The following DGKA variants were observed in gnomAD, a reference collection of about 807,000 sequenced individuals.
DGKA encodes the protein 80 kDa diacylglycerol kinase.
Under a neutral mutation model 105.0 loss-of-function variants are expected in DGKA, and 35 were observed. That is an observed-to-expected ratio of 0.33 (90% CI 0.25 to 0.44). The LOEUF (loss-of-function observed/expected upper bound fraction) is 0.44. DGKA is among the 20% of genes least tolerant of loss of function. The pLI, the probability that DGKA is intolerant of heterozygous loss-of-function variation, is 1.00. For synonymous variants in DGKA, 296 were observed against 332.0 expected (o/e 0.89, Z 1.18); for missense variants, 665 against 915.0 (o/e 0.73, Z 3.53).
intron 18 of DGKA, 21 bp downstream of exon 18, chr12:55,951,804 G>A (rs755645406): frequency 6.2e-7 from 1 of 1,609,004 alleles, no homozygotes; most frequent in Non-Finnish European, 8.5e-7. Flanking sequence ...TGGGGCCTGG[G>A]GAGAAGGGAG....
At chr12:55,939,593 GC>G (rs1233483539) in intron 9 of DGKA, 64 bp downstream of exon 9, 1 of 1,528,426 alleles carries the variant, frequency 6.5e-7, no homozygotes, top group African/African-American at 1.4e-5. Flanking sequence ...GGAGCTTGAT[GC>G]TGTAAACTTA....
upstream of DGKA, chr12:55,930,688 TTGGGGGTG>T (rs1267473530): frequency 6.6e-6 from 1 of 152,110 alleles, no homozygotes; most frequent in Non-Finnish European, 1.5e-5. Flanking sequence ...CTTTTTATGA[TTGGGGGTG>T]AGAGGGTGAG....
At chr12:55,938,719 C>A in intron 6 of DGKA, 159 bp downstream of exon 6, 1 of 1,554,676 alleles carries the variant, frequency 6.4e-7, no homozygotes. Context: ...AGCTCTTGAC[C>A]CCTCAAAGAG....
At chr12:55,931,838 T>G (rs1450557160) in intron 1 of DGKA, 2 of 152,224 alleles carry the variant, frequency 1.3e-5, no homozygotes, top group Non-Finnish European at 2.9e-5. Context: ...GCGCAGCAAA[T>G]GGAGAAAATG....
chr12:55,942,602 G>C (rs1365723728), intron 17 of DGKA: 1 of 304,436 alleles, frequency 3.3e-6, no homozygotes, highest in Non-Finnish European at 6.4e-6. Context: ...GCCAGATGCT[G>C]AATGATGGAG....
rs202127741 is a variant in DGKA, at chr12:55,952,781, C to T, written c.1791C>T (p.Ile597=). ...LDLSNLSLEG[I]AVLNIPSMHG... is the part of the protein sequence containing the mutation. ...TGAGCAACCTGTCCCTAGAAGGCAT[C>T]GCAGTGCTAAACATCCCTAGCATGC... The change falls in exon 21 of 24, where the codon ATC becomes ATT. Residue 597 remains isoleucine (I), a synonymous_variant. Transcript: ENST00000331886. This position sits in a 1 kb window ranked among gnomAD's most constrained non-coding sequence, Gnocchi z 5.1. 2.8e-5 allele frequency: 45 copies of T among 1,614,128 alleles called. No homozygotes were observed. The highest frequency in any genetic ancestry group is 1.3e-4 in the East Asian group (6 of 44,892).
In DGKA at chr12:55,953,501, G is replaced by T. The variant is rs1012061633; in HGVS notation, c.2124+91G>T. Reference sequence around the variant, plus strand: ...CACAGCTTCTTTACACCCTTCTGATGCCTGAACTTCCCCTGCACATCATTC... The same window carrying T: ...CACAGCTTCTTTACACCCTTCTGATTCCTGAACTTCCCCTGCACATCATTC... On this transcript the variant is annotated intron_variant, in intron 23 of 23. Transcript: ENST00000331886. 14 of 1,410,980 alleles carry T rather than the reference G, an allele frequency of 9.9e-6. No homozygotes were observed. The African/African-American group carries it at 1.8e-4, about 19-fold the overall frequency. The allele number at this position is 1,410,980 out of a possible 1,614,324, so 87.4% of individuals were successfully genotyped here. A position where few individuals can be genotyped will look rare whatever the true frequency, so the allele number is the denominator to read the frequency against.
chr12:55,927,642 C>A, upstream of DGKA: 1 of 1,505,138 alleles, frequency 6.6e-7, no homozygotes, highest in Non-Finnish European at 8.9e-7. Context: ...AATTCGTGTG[C>A]CGATTGCTGT....
At chr12:55,950,832 G>A (rs1888010544) in intron 17 of DGKA, among the ~76,000 whole-genome samples, 2 of 152,216 alleles carry the variant, frequency 1.3e-5, no homozygotes, top group South Asian at 4.2e-4. Context: ...CCATGTAGCT[G>A]GGATTATAGA....
upstream of DGKA, chr12:55,927,573 A>C: frequency 9.9e-7 from 1 of 1,008,962 alleles, no homozygotes; most frequent in Non-Finnish European, 1.4e-6. Context: ...ACTGGGGCGC[A>C]CAAGTGTTTC....
chr12:55,941,955 G>T (rs1351459216), intron 15 of DGKA, 43 bp from the exon 16 acceptor site: 5 of 1,606,238 alleles, frequency 3.1e-6, no homozygotes, highest in Non-Finnish European at 4.3e-6. Flanking sequence ...GGTAGCCTCA[G>T]TCCTGTTATC....
At chr12:55,953,289 G>C in intron 22 of DGKA, 61 bp from the exon 23 acceptor site, 1 of 1,612,738 alleles carries the variant, frequency 6.2e-7, no homozygotes, top group Non-Finnish European at 8.5e-7. Flanking sequence ...GCCAACCTAA[G>C]AAGCAGAGTT....
intron 3 of DGKA, 59 bp downstream of exon 3, chr12:55,937,149 C>T: frequency 1.3e-6 from 2 of 1,575,980 alleles, no homozygotes; most frequent in Non-Finnish European, 1.7e-6. Context: ...TGTTTTTGAT[C>T]CCCAACTTCC....
chr12:55,950,256 A>G (rs369437666), intron 17 of DGKA, among the ~76,000 whole-genome samples: 1 of 151,446 alleles, frequency 6.6e-6, no homozygotes, highest in African/African-American at 2.4e-5. Context: ...TACAGGCATC[A>G]GCCATCGCGC....
chr12:55,951,476 C>T, intron 17 of DGKA, 147 bp from the exon 18 acceptor site: 2 of 753,358 alleles, frequency 2.7e-6, no homozygotes, highest in Non-Finnish European at 4.3e-6. Flanking sequence ...GGAGCTGTGA[C>T]CATGCACCCT....
chr12:55,934,219 G>A (rs1280079875), intron 1 of DGKA, among the ~76,000 whole-genome samples: 1 of 152,168 alleles, frequency 6.6e-6, no homozygotes, highest in Non-Finnish European at 1.5e-5. Flanking sequence ...TAACTTGTTT[G>A]CTCCCTCCTT....
In DGKA at chr12:55,932,472, C is replaced by A; in HGVS notation, c.-82+1128C>A. ...AAGGGTTCTTGTTTGGCCTCCAGGT[C>A]CCCAACTTCCCACCCCATCCTCTCC... On this transcript the variant is annotated intron_variant, in intron 1 of 23. Coordinates refer to ENST00000331886, the MANE Select transcript of DGKA (RefSeq NM_001345.5). The surrounding 1 kb of genome is among the most constrained non-coding windows in gnomAD (Gnocchi z 4.3). 1.4e-6 allele frequency: 1 copy of A among 697,812 alleles called. No homozygotes were observed. Among genetic ancestry groups the A allele is most frequent in the South Asian group, 1.5e-5 (1 of 67,080 alleles). The allele number at this position is 697,812 out of a possible 1,614,324, so 43.2% of individuals were successfully genotyped here.
chr12:55,938,024 G>C lies in DGKA; in HGVS notation c.321G>C (p.Glu107Asp). 6.2e-7 allele frequency: 1 copy of C among 1,614,132 alleles called. No individual in the cohort carries two copies. Among genetic ancestry groups the C allele is most frequent in the Non-Finnish European group, 8.5e-7 (1 of 1,180,010 alleles). ...NDVSCYFSLL[E>D]GGRPEDKLEF... ...TTTCCTGCTACTTTTCCCTTCTGGAGGGTGGTCGGCCAGAAGACAAGTTAG... is the reference window on the plus strand; with the variant it reads ...TTTCCTGCTACTTTTCCCTTCTGGACGGTGGTCGGCCAGAAGACAAGTTAG... Residue 107 changes from glutamate (E) to aspartate (D), a missense_variant, in exon 5 of 24, where the codon GAG becomes GAC. Glu to Asp is a conservative substitution (Grantham distance 45). Transcript: ENST00000331886.
At chr12:55,938,466 G>A in intron 5 of DGKA, 45 bp from the exon 6 acceptor site, 1 of 1,610,642 alleles carries the variant, frequency 6.2e-7, no homozygotes, top group Non-Finnish European at 8.5e-7. Context: ...AATTCTTTGG[G>A]TATCTCTCAC....
Sources: gnomAD v4.1 joint callset for allele counts (sites outside exome capture counted in the v4.1 genomes callset) on GRCh38, gnomAD v4.1.1 for gene constraint, Gnocchi (gnomAD v3.1) non-coding constraint, MANE v1.5 for transcripts, NCBI Gene and HGNC (gene_info 2026-07-23, HGNC 2026-07-21) for gene names.